LRRIQ3: variants seen among roughly 807,000 people sequenced by gnomAD.
The protein encoded by LRRIQ3 is leucine-rich repeat and IQ domain-containing protein 3.
Under a neutral mutation model 59.3 loss-of-function variants are expected in LRRIQ3, and 75 were observed. The observed-to-expected ratio is 1.26, with a 90% CI of 1.05 to 1.53. The LOEUF (loss-of-function observed/expected upper bound fraction) is 1.53, where lower values mean the gene tolerates loss of function less well. Ranked by LOEUF, LRRIQ3 falls within the 40% of genes most tolerant of loss-of-function variation. LRRIQ3 has a pLI of 0.00. For missense variants in LRRIQ3, 831 were observed against 710.0 expected (o/e 1.17, Z -1.94); for synonymous variants, 250 against 231.3 (o/e 1.08, Z -0.73).
chr1:74,189,465 G>T (rs1286704699), intron 1 of LRRIQ3, among the ~76,000 whole-genome samples: 1 of 152,112 alleles, frequency 6.6e-6, no homozygotes, highest in Admixed American at 6.6e-5. Flanking sequence ...TCTGTAAAAA[G>T]AAGATAATAA....
chr1:74,132,014 G>T (rs1380275507), intron 4 of LRRIQ3, among the ~76,000 whole-genome samples: 2 of 152,134 alleles, frequency 1.3e-5, no homozygotes, highest in African/African-American at 2.4e-5. Context: ...AAGCTGATAA[G>T]CAACTTCAGC....
chr1:74,120,951 T>C (rs1646846467), intron 4 of LRRIQ3, among the ~76,000 whole-genome samples: 1 of 152,144 alleles, frequency 6.6e-6, no homozygotes, highest in Admixed American at 6.6e-5. Flanking sequence ...TTGATTAACA[T>C]TTAACATTTG....
intron 1 of LRRIQ3, among the ~76,000 whole-genome samples, chr1:74,197,705 T>G (rs1651296395): frequency 6.6e-6 from 1 of 152,116 alleles, no homozygotes. Context: ...GGTGGCTCAC[T>G]CTCTAGGAAC....
Position 74,041,651 on chromosome 1 carries a change from T to C in LRRIQ3, c.1280A>G (p.Tyr427Cys), listed in dbSNP as rs1654049477. The C allele has an allele frequency of 6.2e-7, 1 of 1,613,814 alleles. No individual in the cohort carries two copies. ...GTATTCCTGCTTCTTTTGTTCTGTG[T>C]AATATTTGTCAATATCACTAAATGT... ...LRTFSDIDKY[Y>C]TEQKKQEYHK... The change falls in exon 7 of 8, where the codon TAC becomes TGC. Residue 427 changes from tyrosine (Y) to cysteine (C), a missense_variant. Coordinates refer to ENST00000354431, the MANE Select transcript of LRRIQ3 (RefSeq NM_001105659.2).
At chr1:74,069,108 TG>T (rs1175383097) in intron 6 of LRRIQ3, among the ~76,000 whole-genome samples, 8 of 152,112 alleles carry the variant, frequency 5.3e-5, no homozygotes, top group South Asian at 4.1e-4. Context: ...TTGACCTTTT[TG>T]GCTGAATAGG....
At chr1:74,169,120 A>G (rs537775313) in intron 3 of LRRIQ3, among the ~76,000 whole-genome samples, 3 of 152,252 alleles carry the variant, frequency 2.0e-5, no homozygotes, top group African/African-American at 7.2e-5. Context: ...TTGATTATCT[A>G]CTGCTGTAAA....
At chr1:74,169,189 C>T (rs1445533544) in intron 3 of LRRIQ3, among the ~76,000 whole-genome samples, 7 of 152,150 alleles carry the variant, frequency 4.6e-5, no homozygotes, top group Admixed American at 3.3e-4. Flanking sequence ...CCTTCCATGA[C>T]TGACCTGTTT....
At chr1:74,120,833 A>G (rs751193317) in intron 4 of LRRIQ3, among the ~76,000 whole-genome samples, 18 of 152,092 alleles carry the variant, frequency 1.2e-4, no homozygotes, top group Admixed American at 3.9e-4. Context: ...CATTTTCTCC[A>G]TTAATTAATT....
At chr1:74,138,216 C>T (rs1234761878) in intron 4 of LRRIQ3, among the ~76,000 whole-genome samples, 2 of 150,492 alleles carry the variant, frequency 1.3e-5, no homozygotes, top group Non-Finnish European at 3.0e-5. Context: ...GGTAATGTGA[C>T]CTGGATGTAT....
chr1:74,172,042 T>G (rs1375773073), intron 3 of LRRIQ3, among the ~76,000 whole-genome samples: 1 of 152,128 alleles, frequency 6.6e-6, no homozygotes, highest in Non-Finnish European at 1.5e-5. Context: ...CTATCTTGTT[T>G]GTCTTTTTAA....
intron 6 of LRRIQ3, among the ~76,000 whole-genome samples, chr1:74,049,848 A>C (rs1365117433): frequency 6.6e-6 from 1 of 151,782 alleles, no homozygotes; most frequent in Admixed American, 6.6e-5. Flanking sequence ...AACAAATACC[A>C]TTTATTTCCA....
intron 7 of LRRIQ3, among the ~76,000 whole-genome samples, chr1:74,035,318 A>G (rs1317799849): frequency 6.6e-6 from 1 of 152,136 alleles, no homozygotes; most frequent in Non-Finnish European, 1.5e-5. Flanking sequence ...ATATATAGAT[A>G]GATAAATGTT....
intron 3 of LRRIQ3, among the ~76,000 whole-genome samples, chr1:74,170,451 C>G (rs576633799): frequency 6.6e-6 from 1 of 152,094 alleles, no homozygotes; most frequent in African/African-American, 2.4e-5. Context: ...TTCTTGGCAC[C>G]CTTGCTGAAA....
chr1:74,088,028 A>C (rs1385360066), intron 5 of LRRIQ3, among the ~76,000 whole-genome samples: 1 of 151,918 alleles, frequency 6.6e-6, no homozygotes, highest in East Asian at 1.9e-4. Context: ...AGGAGGCAGA[A>C]GTTACAGTGA....
chr1:74,054,033 A>C (rs1163529368), intron 6 of LRRIQ3, among the ~76,000 whole-genome samples: 1 of 152,142 alleles, frequency 6.6e-6, no homozygotes, highest in Non-Finnish European at 1.5e-5. Context: ...TGAATTGAAA[A>C]CTTTGAAAAC....
At chr1:74,136,786 CTCTTCACTATCAT>C (rs1297937974) in intron 4 of LRRIQ3, among the ~76,000 whole-genome samples, 1 of 151,924 alleles carries the variant, frequency 6.6e-6, no homozygotes, top group Admixed American at 6.6e-5. Context: ...TCCTTCCACT[CTCTTCACTATCAT>C]TCAGTAGAAA....
intron 5 of LRRIQ3, among the ~76,000 whole-genome samples, chr1:74,085,847 A>T (rs1646322421): frequency 6.6e-6 from 1 of 152,036 alleles, no homozygotes; most frequent in Non-Finnish European, 1.5e-5. Context: ...TCAATAATTG[A>T]CTGATTGATA....
intron 5 of LRRIQ3, among the ~76,000 whole-genome samples, chr1:74,080,499 A>G (rs1012882747): frequency 6.6e-6 from 1 of 151,692 alleles, no homozygotes; most frequent in African/African-American, 2.4e-5. Context: ...CATTGCCTCT[A>G]TCTTCTTTCT....
intron 5 of LRRIQ3, among the ~76,000 whole-genome samples, chr1:74,095,334 C>T (rs150216894): frequency 5.9e-5 from 9 of 152,194 alleles, no homozygotes; most frequent in East Asian, 5.8e-4. Flanking sequence ...TTGTTTACAT[C>T]GCTATTAGGG....
Sources: allele counts gnomAD v4.1 joint callset (sites outside exome capture counted in the v4.1 genomes callset), GRCh38; gene constraint gnomAD v4.1.1; transcripts MANE v1.5; gene names NCBI Gene and HGNC (gene_info 2026-07-23, HGNC 2026-07-21).